SOCS5: variants seen among roughly 807,000 people sequenced by gnomAD.
SOCS5 encodes the protein suppressor of cytokine signaling 5.
SOCS5 carries 32 observed loss-of-function variants against 42.8 expected under a neutral mutation model. The ratio of observed to expected loss-of-function variants is 0.75; its 90% CI spans 0.56 to 1.01. SOCS5 has a LOEUF of 1.01. Among genes scored for constraint, SOCS5 ranks in the 50% least tolerant of loss-of-function variants. The pLI is 0.00. For missense variants in SOCS5, 627 were observed against 653.0 expected (o/e 0.96, Z 0.43); for synonymous variants, 283 against 229.6 (o/e 1.23, Z -2.10).
intron 1 of SOCS5, among the ~76,000 whole-genome samples, chr2:46,737,291 A>G (rs1379844801): frequency 1.3e-5 from 2 of 152,190 alleles, no homozygotes; most frequent in African/African-American, 4.8e-5. Context: ...GTGAATTTCT[A>G]TTCTTTTGAA....
intron 1 of SOCS5, among the ~76,000 whole-genome samples, chr2:46,727,525 T>G (rs1274165126): frequency 2.0e-5 from 3 of 152,194 alleles, no homozygotes; most frequent in African/African-American, 7.2e-5. Context: ...TCTGTTGGGT[T>G]CAACCTTCAA....
chr2:46,700,752 A>G (rs1209937336), intron 1 of SOCS5, among the ~76,000 whole-genome samples: 1 of 152,118 alleles, frequency 6.6e-6, no homozygotes, highest in Non-Finnish European at 1.5e-5. Flanking sequence ...GAAAATGCAC[A>G]CCGGGTTTAG....
intron 1 of SOCS5, among the ~76,000 whole-genome samples, chr2:46,723,521 C>T (rs186807083): frequency 6.6e-6 from 1 of 152,098 alleles, no homozygotes; most frequent in African/African-American, 2.4e-5. Flanking sequence ...TGTTACAACA[C>T]CTATTGTTTA....
Position 46,760,679 on chromosome 2 carries a change from T to A in SOCS5, c.*538T>A, listed in dbSNP as rs1673846989. On this transcript the variant is annotated 3_prime_UTR_variant, in exon 2 of 2. Transcript: ENST00000394861. ...GGGCATAGTGCAGTTCACTTACGTG[T>A]TGATGTAGTTTATAATCAGACGCCT... is the stretch of plus-strand genomic sequence containing the variant. The A allele has an allele frequency of 6.0e-6, 1 of 167,444 alleles. No homozygotes were observed. The highest frequency in any genetic ancestry group is 6.5e-5 in the Admixed American group (1 of 15,314). 10.4% of individuals were successfully genotyped at this position (167,444 alleles called of 1,614,324 possible).
rs1025294164 is a variant in SOCS5, at chr2:46,699,843, G to A, written c.-13+394G>A. ...GGGGAGGCCACCGGAGACTGAAGCA[G>A]TTACACAGGCTGCAGGGAAGGGAGC... is the stretch of plus-strand genomic sequence containing the variant. On this transcript the variant is annotated intron_variant, in intron 1 of 1. Coordinates refer to ENST00000394861, the MANE Select transcript of SOCS5 (RefSeq NM_144949.3). This position sits in a 1 kb window ranked among gnomAD's most constrained non-coding sequence, Gnocchi z 4.8. 1.3e-5 allele frequency among the ~76,000 whole-genome samples: 2 copies of A among 152,126 alleles called. No homozygotes were observed. Among genetic ancestry groups the A allele is most frequent in the African/African-American group, 4.8e-5 (2 of 41,432 alleles).
intron 1 of SOCS5, among the ~76,000 whole-genome samples, chr2:46,732,230 G>T (rs927426244): frequency 1.3e-5 from 2 of 152,206 alleles, no homozygotes; most frequent in Non-Finnish European, 2.9e-5. Flanking sequence ...CATTATAGTA[G>T]AACTGACTGT....
intron 1 of SOCS5, among the ~76,000 whole-genome samples, chr2:46,717,313 C>G (rs1483762284): frequency 6.6e-6 from 1 of 152,004 alleles, no homozygotes; most frequent in Non-Finnish European, 1.5e-5. Flanking sequence ...CACAGGGCTC[C>G]CCTTGCTTGT....
intron 1 of SOCS5, among the ~76,000 whole-genome samples, chr2:46,746,952 G>C (rs1304407765): frequency 4.2e-5 from 1 of 23,668 alleles, no homozygotes. Flanking sequence ...TTGCCTTATT[G>C]AGCTGGCTGT....
chr2:46,723,126 T>C (rs904931887), intron 1 of SOCS5, among the ~76,000 whole-genome samples: 2 of 152,114 alleles, frequency 1.3e-5, no homozygotes, highest in Admixed American at 6.5e-5. Flanking sequence ...ACTCTTCACA[T>C]TGTCTTTCAT....
chr2:46,717,898 C>CT (rs1672785510), intron 1 of SOCS5, among the ~76,000 whole-genome samples: 1 of 152,142 alleles, frequency 6.6e-6, no homozygotes, highest in Non-Finnish European at 1.5e-5. Flanking sequence ...AGATGTTATT[C>CT]TTTCACTGGT....
chr2:46,756,242 C>T (rs991701342), intron 1 of SOCS5, among the ~76,000 whole-genome samples: 4 of 152,234 alleles, frequency 2.6e-5, no homozygotes, highest in South Asian at 2.1e-4. Context: ...TTTATAAACA[C>T]GGAGAAGAGA....
chr2:46,705,342 T>C (rs967237512), intron 1 of SOCS5, among the ~76,000 whole-genome samples: 6 of 152,170 alleles, frequency 3.9e-5, no homozygotes, highest in Non-Finnish European at 8.8e-5. Flanking sequence ...TCTCACGCTG[T>C]CTCTAGGTGT....
At chr2:46,736,420 A>G (rs1235608938) in intron 1 of SOCS5, among the ~76,000 whole-genome samples, 3 of 152,046 alleles carry the variant, frequency 2.0e-5, no homozygotes, top group African/African-American at 7.2e-5. Context: ...ATCACCATCT[A>G]TCTGCAGAAC....
intron 1 of SOCS5, among the ~76,000 whole-genome samples, chr2:46,740,458 A>T (rs1673345948): frequency 6.6e-6 from 1 of 152,250 alleles, no homozygotes; most frequent in Non-Finnish European, 1.5e-5. Context: ...GATACACATG[A>T]TGTGTATCAT....
chr2:46,751,602 A>T (rs751492919), intron 1 of SOCS5, among the ~76,000 whole-genome samples: 3 of 152,130 alleles, frequency 2.0e-5, no homozygotes, highest in Non-Finnish European at 4.4e-5. Context: ...TTTCTGGAGT[A>T]TTTTAATTAT....
At chr2:46,731,880 C>G (rs550927264) in intron 1 of SOCS5, among the ~76,000 whole-genome samples, 2 of 152,250 alleles carry the variant, frequency 1.3e-5, no homozygotes, top group East Asian at 1.9e-4. Flanking sequence ...GGCACTTTAC[C>G]TTAAAAAAGA....
At chr2:46,717,146 C>T (rs1372270482) in intron 1 of SOCS5, among the ~76,000 whole-genome samples, 3 of 152,168 alleles carry the variant, frequency 2.0e-5, no homozygotes, top group African/African-American at 7.2e-5. Context: ...AGCACTTTCT[C>T]TGTGTAACTT....
chr2:46,738,976 C>A (rs1394968709), intron 1 of SOCS5, among the ~76,000 whole-genome samples: 6 of 152,176 alleles, frequency 3.9e-5, no homozygotes, highest in Admixed American at 3.9e-4. Flanking sequence ...TGAATAATGT[C>A]ATATCAATGA....
In SOCS5 at chr2:46,761,058, A is replaced by G. The variant is rs1406641621; in HGVS notation, c.*917A>G. Reference sequence around the variant, plus strand: ...CTGATGTTGAGATTATTGTTGAACTATAATTAATAATTTGGATGGCAGAAT... The same window carrying G: ...CTGATGTTGAGATTATTGTTGAACTGTAATTAATAATTTGGATGGCAGAAT... On this transcript the variant is annotated 3_prime_UTR_variant, in exon 2 of 2. Transcript: ENST00000394861. The G allele has an allele frequency of 2.4e-5, 4 of 167,128 alleles. No homozygotes were observed. Among genetic ancestry groups the G allele is most frequent in the African/African-American group, 4.8e-5 (2 of 41,474 alleles). The allele number at this position is 167,128 out of a possible 1,614,324, so 10.4% of individuals were successfully genotyped here. A position where few individuals can be genotyped will look rare whatever the true frequency, so the allele number is the denominator to read the frequency against.
Sources: gnomAD v4.1 joint callset for allele counts (sites outside exome capture counted in the v4.1 genomes callset) on GRCh38, gnomAD v4.1.1 for gene constraint, Gnocchi (gnomAD v3.1) non-coding constraint, MANE v1.5 for transcripts, NCBI Gene and HGNC (gene_info 2026-07-23, HGNC 2026-07-21) for gene names.